The following LRP1B variants were observed in gnomAD, a reference collection of about 807,000 sequenced individuals.
The protein encoded by LRP1B is low-density lipoprotein receptor-related protein 1B.
In LRP1B, 217 loss-of-function variants were observed where a neutral mutation model predicts 556.6. The ratio of observed to expected loss-of-function variants is 0.39; its 90% CI spans 0.35 to 0.44. The LOEUF is 0.44. Ranked by LOEUF, LRP1B falls within the 20% of genes least tolerant of loss-of-function variation. LRP1B has a pLI of 1.00. For missense variants in LRP1B, 5,053 were observed against 5,620.8 expected, an observed-to-expected ratio of 0.90 and a Z score of 3.23; for synonymous variants, 2,047 against 1,865.8, an observed-to-expected ratio of 1.10 and a Z score of -2.50.
At chr2:141,035,531 CTT>C (rs1261031432) in intron 11 of LRP1B, among the ~76,000 whole-genome samples, 2 of 152,008 alleles carry the variant, frequency 1.3e-5, no homozygotes. Context: ...CAGATAAACA[CTT>C]TGCCTTCTAT....
At chr2:142,038,324 T>G (rs1392766519) in intron 1 of LRP1B, among the ~76,000 whole-genome samples, 70 of 151,710 alleles carry the variant, frequency 4.6e-4, no homozygotes, top group Non-Finnish European at 3.0e-5. Flanking sequence ...TAAATAATTC[T>G]GTATGAATTA....
At chr2:141,927,919 A>AG (rs1471157722) in intron 1 of LRP1B, among the ~76,000 whole-genome samples, 2 of 143,652 alleles carry the variant, frequency 1.4e-5, no homozygotes, top group South Asian at 4.3e-4. Flanking sequence ...AAAAAAAAAA[A>AG]AGAAAGAAAG....
At chr2:140,548,419 G>C (rs1488597418) in intron 43 of LRP1B, among the ~76,000 whole-genome samples, 1 of 152,110 alleles carries the variant, frequency 6.6e-6, no homozygotes, top group Non-Finnish European at 1.5e-5. Context: ...TGGCAAAGTT[G>C]CACCCAGTGT....
At chr2:141,937,853 G>A (rs1434143060) in intron 1 of LRP1B, among the ~76,000 whole-genome samples, 1 of 152,084 alleles carries the variant, frequency 6.6e-6, no homozygotes, top group Non-Finnish European at 1.5e-5. Context: ...CATCCACTTT[G>A]TGTTGATTTT....
chr2:141,011,116 ATTAGT>A (rs924660875), intron 14 of LRP1B, among the ~76,000 whole-genome samples: 2 of 148,506 alleles, frequency 1.3e-5, no homozygotes, highest in Non-Finnish European at 3.0e-5. Context: ...GTTATATAAG[ATTAGT>A]TTATTTTATT....
At position 142,033,171 on chromosome 2, in the gene LRP1B, AATTCCTATAAT is replaced by A. The variant is rs556864084; in HGVS notation, c.82+97466_82+97476del. 2.6e-5 allele frequency among the ~76,000 whole-genome samples: 4 copies of A among 151,972 alleles called. No homozygotes were observed. In the East Asian group the frequency reaches 7.8e-4, roughly 30 times the overall value. ...CAGCTGCTAAGATGTTGCTCAATTT[AATTCCTATAAT>A]TAGGAATTGAATTTTTAGGACAATT... On this transcript the variant is annotated intron_variant, in intron 1 of 90. Transcript: ENST00000389484.
At chr2:140,784,376 C>CCACCCACA (rs770896718) in intron 32 of LRP1B, among the ~76,000 whole-genome samples, 2 of 126,574 alleles carry the variant, frequency 1.6e-5, no homozygotes, top group African/African-American at 5.8e-5. Flanking sequence ...GATTCTGCCT[C>CCACCCACA]CACACACACA....
chr2:140,990,392 A>C (rs1917704), intron 16 of LRP1B, among the ~76,000 whole-genome samples: 64,594 of 151,776 alleles, frequency 0.43, 14,629 homozygotes, highest in East Asian at 0.6. Context: ...AACCACATAA[A>C]CATTCAAATA....
At chr2:141,817,342 A>G (rs916361338) in intron 1 of LRP1B, among the ~76,000 whole-genome samples, 1 of 152,138 alleles carries the variant, frequency 6.6e-6, no homozygotes, top group Admixed American at 6.5e-5. Context: ...TTATAATAAT[A>G]GATTCTTGCA....
At chr2:141,360,998 T>TG (rs1347729397) in intron 3 of LRP1B, among the ~76,000 whole-genome samples, 1 of 152,132 alleles carries the variant, frequency 6.6e-6, no homozygotes, top group Non-Finnish European at 1.5e-5. Context: ...ATAAATAGAT[T>TG]GAATAAATAA....
At chr2:140,770,567 T>C (rs1188400827) in intron 34 of LRP1B, among the ~76,000 whole-genome samples, 1 of 152,040 alleles carries the variant, frequency 6.6e-6, no homozygotes, top group African/African-American at 2.4e-5. Flanking sequence ...GCCAATCAAG[T>C]ACTGCTTTTT....
chr2:140,521,889 T>C (rs1315980494), intron 49 of LRP1B, among the ~76,000 whole-genome samples: 1 of 151,890 alleles, frequency 6.6e-6, no homozygotes, highest in Non-Finnish European at 1.5e-5. Flanking sequence ...TCAGATATAA[T>C]AGACTTTAAA....
chr2:140,545,264 T>C (rs1230745514), intron 43 of LRP1B, among the ~76,000 whole-genome samples: 1 of 152,066 alleles, frequency 6.6e-6, no homozygotes, highest in African/African-American at 2.4e-5. Context: ...ATAGTTTCTA[T>C]GGCTGTGGAG....
intron 58 of LRP1B, among the ~76,000 whole-genome samples, chr2:140,486,944 G>A (rs1688495715): frequency 6.6e-6 from 1 of 151,724 alleles, no homozygotes; most frequent in East Asian, 1.9e-4. Flanking sequence ...ATTATAGATG[G>A]CTACAAAAAA....
chr2:140,766,512 T>G (rs757326406), intron 35 of LRP1B, among the ~76,000 whole-genome samples: 32 of 151,954 alleles, frequency 2.1e-4, no homozygotes, highest in Non-Finnish European at 4.4e-4. Context: ...TGACCTTCAT[T>G]AGGGTTTCAG....
intron 1 of LRP1B, among the ~76,000 whole-genome samples, chr2:142,125,116 A>C (rs1707596144): frequency 1.3e-5 from 2 of 151,802 alleles, no homozygotes; most frequent in Non-Finnish European, 3.0e-5. Context: ...CATAATACAT[A>C]CTTTCTAACT....
rs1038678308 is a variant in LRP1B, at chr2:141,900,851, T to C, written c.83-90450A>G. Among the ~76,000 whole-genome samples, 10 of 152,116 alleles carry C rather than the reference T, an allele frequency of 6.6e-5. No individual in the cohort carries two copies. In the Middle Eastern group the frequency reaches 0.01, roughly 155 times the overall value. On this transcript the variant is annotated intron_variant, in intron 1 of 90. Coordinates refer to ENST00000389484, the MANE Select transcript of LRP1B (RefSeq NM_018557.3). ...TTTATAAAAACCTTCTCAAATTATC[T>C]AAATTTGAGCACTCCATCTGTTTCT...
At chr2:140,818,326 T>A (rs935714514) in intron 31 of LRP1B, among the ~76,000 whole-genome samples, 1 of 152,162 alleles carries the variant, frequency 6.6e-6, no homozygotes, top group Non-Finnish European at 1.5e-5. Flanking sequence ...AACAACTCCT[T>A]CTACTTCTGG....
At chr2:140,373,591 G>A (rs538108196) in intron 68 of LRP1B, among the ~76,000 whole-genome samples, 2 of 152,080 alleles carry the variant, frequency 1.3e-5, no homozygotes, top group South Asian at 2.1e-4. Context: ...ATAATTTTAG[G>A]TAATAATGAA....
Sources: allele counts gnomAD v4.1 joint callset (sites outside exome capture counted in the v4.1 genomes callset), GRCh38; gene constraint gnomAD v4.1.1; transcripts MANE v1.5; gene names NCBI Gene and HGNC (gene_info 2026-07-23, HGNC 2026-07-21).